Variants in BRWD3 observed in about 807,000 individuals in gnomAD.
The protein encoded by BRWD3 is bromodomain and WD repeat domain containing 3.
A neutral mutation model predicts 149.7 loss-of-function variants in BRWD3; 10 were observed. That is an observed-to-expected ratio of 0.07 (90% CI 0.04 to 0.11). The LOEUF (loss-of-function observed/expected upper bound fraction) is 0.11, where lower values mean the gene tolerates loss of function less well. Ranked by LOEUF, BRWD3 falls within the 10% of genes least tolerant of loss-of-function variation. BRWD3 has a pLI of 1.00. For synonymous variants in BRWD3, 504 were observed against 456.7 expected (o/e 1.10, Z -1.32); for missense variants, 940 against 1,373.2 (o/e 0.68, Z 4.99).
At chrX:80,733,359 A>C in intron 12 of BRWD3, 97 bp downstream of exon 12, 3 of 663,100 alleles carry the variant, frequency 4.5e-6, no homozygotes, top group Non-Finnish European at 7.1e-6. Flanking sequence ...ATAACTGGAC[A>C]GAAATAAGGT....
chrX:80,764,347 C>G (rs2073834543), intron 6 of BRWD3, among the ~76,000 whole-genome samples: 1 of 111,754 alleles, frequency 8.9e-6, no homozygotes, highest in African/African-American at 3.3e-5. Context: ...GCTCTGTTGC[C>G]CAGGCTAGAG....
intron 6 of BRWD3, among the ~76,000 whole-genome samples, chrX:80,755,596 G>GA (rs1467129896): frequency 3.6e-5 from 4 of 111,804 alleles, no homozygotes; most frequent in Non-Finnish European, 7.5e-5. Flanking sequence ...GAAGAGCCAT[G>GA]AAAACATGCA....
At position 80,689,776 on chromosome X, in the gene BRWD3, C is replaced by T. The variant is rs1283120248; in HGVS notation, c.3799G>A (p.Ala1267Thr). Reference protein sequence around the residue: ...IKAEERNSTDAEEDTEIVDLD... With the variant: ...IKAEERNSTDTEEDTEIVDLD... ...CATGCTGTGATTCTTACCTCCTCTG[C>T]ATCAGTACTGTTTCGTTCTTCTGCT... Residue 1267 changes from alanine (A) to threonine (T), a missense_variant, in exon 33 of 41, where the codon GCA (alanine) becomes ACA (threonine). Physicochemically the swap from Ala to Thr is moderately conservative, Grantham distance 58. Around this residue, in one of 6 missense-constraint regions of BRWD3, gnomAD observed 349 missense variants for 419.6 expected, o/e 0.83. Transcript: ENST00000373275. The T allele has an allele frequency of 8.3e-7, 1 of 1,198,096 alleles. No homozygotes were observed. Among genetic ancestry groups the T allele is most frequent in the Admixed American group, 2.2e-5 (1 of 45,804 alleles).
intron 20 of BRWD3, among the ~76,000 whole-genome samples, chrX:80,712,042 A>AT (rs1253006698): frequency 8.9e-6 from 1 of 112,083 alleles, no homozygotes; most frequent in East Asian, 2.8e-4. Flanking sequence ...CATTCTTAAG[A>AT]TTCTTAAGAG....
intron 35 of BRWD3, among the ~76,000 whole-genome samples, chrX:80,685,786 ATGATATTTTTTCCCAAC>A (rs2072513518): frequency 1.8e-5 from 2 of 111,948 alleles, no homozygotes; most frequent in Admixed American, 1.9e-4. Flanking sequence ...CCTTACTTGA[ATGATATTTTTTCCCAAC>A]TGAGACCTAC....
intron 6 of BRWD3, among the ~76,000 whole-genome samples, chrX:80,762,989 C>G (rs1013260013): frequency 9.1e-6 from 1 of 110,394 alleles, no homozygotes; most frequent in Non-Finnish European, 1.9e-5. Flanking sequence ...GAATAGTGAT[C>G]GCTACTATAA....
chrX:80,745,363 T>G (rs2147791944), intron 7 of BRWD3, among the ~76,000 whole-genome samples: 1 of 111,951 alleles, frequency 8.9e-6, no homozygotes, highest in South Asian at 3.6e-4. Context: ...TTTTTAAAAT[T>G]AAACTTCCAA....
At chrX:80,696,612 T>C (rs1237353943) in intron 26 of BRWD3, 127 bp downstream of exon 26, 24 of 790,314 alleles carry the variant, frequency 3.0e-5, no homozygotes, top group Non-Finnish European at 3.6e-5. Context: ...CTCTGGTCTT[T>C]ATAATTCTAA....
At chrX:80,700,158 G>A (rs780309638) in intron 24 of BRWD3, 94 bp from the exon 25 acceptor site, 1 of 633,836 alleles carries the variant, frequency 1.6e-6, no homozygotes, top group African/African-American at 2.3e-5. Flanking sequence ...TCTGTTTGCA[G>A]AAAGAAATAA....
chrX:80,799,789 T>C (rs538090711), intron 4 of BRWD3, among the ~76,000 whole-genome samples: 1 of 111,054 alleles, frequency 9.0e-6, no homozygotes, highest in East Asian at 2.8e-4. Context: ...TTACTACTTA[T>C]ATGACCTTAG....
At chrX:80,786,502 C>T (rs916319979) in intron 6 of BRWD3, among the ~76,000 whole-genome samples, 1 of 100,853 alleles carries the variant, frequency 9.9e-6, no homozygotes, top group Non-Finnish European at 2.0e-5. Context: ...TACACTCTCA[C>T]CCTTTTAATT....
rs45610632 is a variant in BRWD3 at position 80,736,255 on chromosome X, C to T, written c.814-167G>A. Among the ~76,000 whole-genome samples the T allele has an allele frequency of 0.13, 14,876 of 110,247 alleles. 789 individuals are homozygous for T. The highest frequency in any genetic ancestry group is 0.43 in the South Asian group (1,159 of 2,668). ...TTAACTTTCCTAGATTAATAAATAC[C>T]TTATAAAAAATTTAAAATATCAAAA... On this transcript the variant is annotated intron_variant, in intron 8 of 40. Transcript: ENST00000373275.
At chrX:80,687,234 C>G (rs1275937428) in intron 34 of BRWD3, among the ~76,000 whole-genome samples, 1 of 110,774 alleles carries the variant, frequency 9.0e-6, no homozygotes, top group Non-Finnish European at 1.9e-5. Context: ...GGCAAGAATT[C>G]TAGTACTCAA....
chrX:80,794,560 G>T (rs2074218054), intron 4 of BRWD3, among the ~76,000 whole-genome samples: 1 of 108,785 alleles, frequency 9.2e-6, no homozygotes, highest in Admixed American at 9.9e-5. Flanking sequence ...TATGTGTATA[G>T]ATATATATTT....
rs759279895 is a variant in BRWD3, at chrX:80,734,007, A to C, written c.1086+111T>G. The C allele has an allele frequency of 1.1e-4, 63 of 572,213 alleles. 1 individual carries two copies. The Admixed American group carries it at 1.2e-3, about 11-fold the overall frequency. 47.2% of individuals were successfully genotyped at this position (572,213 alleles called of 1,213,427 possible). A position where few individuals can be genotyped will look rare whatever the true frequency, so the allele number is the denominator to read the frequency against. ...GTAGTAATGACAAGAGTAAAGTGTA[A>C]GCCAAAATTTGTGATTTGTATATGT... is the stretch of plus-strand genomic sequence containing the variant. On this transcript the variant is annotated intron_variant, in intron 11 of 40. Transcript: ENST00000373275.
intron 14 of BRWD3, among the ~76,000 whole-genome samples, chrX:80,727,889 T>C (rs1473703803): frequency 4.5e-5 from 5 of 111,978 alleles, no homozygotes; most frequent in African/African-American, 1.6e-4. Context: ...AAGGTATTTC[T>C]CATAATAGGC....
In BRWD3 at chrX:80,671,055, C is replaced by T. The variant is rs1289423516; in HGVS notation, c.*5554G>A. On this transcript the variant is annotated 3_prime_UTR_variant, in exon 41 of 41. Coordinates refer to ENST00000373275, the MANE Select transcript of BRWD3 (RefSeq NM_153252.5). Reference sequence around the variant, plus strand: ...AGATCATCTCACCTCACTTCTCTCTCTCCTACACTTACACTGAATTAAAGC... The same window carrying T: ...AGATCATCTCACCTCACTTCTCTCTTTCCTACACTTACACTGAATTAAAGC... The T allele has an allele frequency of 1.8e-5, 2 of 111,297 alleles. No homozygotes were observed. Among genetic ancestry groups the T allele is most frequent in the Non-Finnish European group, 3.8e-5 (2 of 53,085 alleles). 9.2% of individuals were successfully genotyped at this position (111,297 alleles called of 1,213,427 possible). A position where few individuals can be genotyped will look rare whatever the true frequency, so the allele number is the denominator to read the frequency against.
chrX:80,777,865 T>C (rs948192442), intron 6 of BRWD3, among the ~76,000 whole-genome samples: 1 of 111,669 alleles, frequency 9.0e-6, no homozygotes, highest in Non-Finnish European at 1.9e-5. Context: ...TTGCCCAGGC[T>C]GGTCTTAAAT....
At chrX:80,784,474 A>C (rs980185217) in intron 6 of BRWD3, among the ~76,000 whole-genome samples, 1 of 111,165 alleles carries the variant, frequency 9.0e-6, no homozygotes, top group African/African-American at 3.3e-5. Flanking sequence ...GGTTTGCTGC[A>C]CTTAACCCGT....
Sources: gnomAD v4.1 joint callset for allele counts (sites outside exome capture counted in the v4.1 genomes callset) on GRCh38, gnomAD v4.1.1 for gene constraint, gnomAD v4.1.1 regional missense constraint, MANE v1.5 for transcripts, NCBI Gene and HGNC (gene_info 2026-07-23, HGNC 2026-07-21) for gene names.